KCNMA1: variants seen among roughly 807,000 people sequenced by gnomAD.
KCNMA1 encodes the protein Calcium-activated potassium channel subunit alpha-1.
KCNMA1 carries 29 observed loss-of-function variants against 140.0 expected under a neutral mutation model. The ratio of observed to expected loss-of-function variants is 0.21; its 90% CI spans 0.15 to 0.28. KCNMA1 has a LOEUF of 0.28. KCNMA1 is among the 10% of genes least tolerant of loss of function. KCNMA1 has a pLI of 1.00. For synonymous variants in KCNMA1, 612 were observed against 611.9 expected, an observed-to-expected ratio of 1.00 and a Z score of 0.00; for missense variants, 880 against 1,602.2, an observed-to-expected ratio of 0.55 and a Z score of 7.70.
intron 5 of KCNMA1, among the ~76,000 whole-genome samples, chr10:77,155,899 C>T (rs1011782644): frequency 1.3e-5 from 2 of 152,074 alleles, no homozygotes; most frequent in African/African-American, 4.8e-5. Flanking sequence ...TCTCTTCTTT[C>T]ACAGCAGAAA....
chr10:77,333,370 AAG>A (rs2087350710), intron 2 of KCNMA1, among the ~76,000 whole-genome samples: 1 of 150,222 alleles, frequency 6.7e-6, no homozygotes, highest in Non-Finnish European at 1.5e-5. Context: ...AAAAAGAAAA[AAG>A]AAAGAAAGAG....
intron 1 of KCNMA1, among the ~76,000 whole-genome samples, chr10:77,556,032 C>T (rs2064237641): frequency 6.6e-6 from 1 of 152,146 alleles, no homozygotes. Flanking sequence ...GCATAAGAAT[C>T]GACACAGCTG....
intron 1 of KCNMA1, among the ~76,000 whole-genome samples, chr10:77,422,083 T>C (rs2096878085): frequency 1.3e-5 from 2 of 152,256 alleles, no homozygotes; most frequent in Admixed American, 6.5e-5. Context: ...CTGTTCAACA[T>C]AGACCAATAC....
intron 2 of KCNMA1, among the ~76,000 whole-genome samples, chr10:77,340,730 C>A: frequency 6.6e-6 from 1 of 151,164 alleles, no homozygotes; most frequent in African/African-American, 2.4e-5. Flanking sequence ...GGGGAGGGGG[C>A]AGGGATAGCA....
At chr10:77,019,977 TA>T (rs1208142960) in intron 16 of KCNMA1, 1 of 152,150 alleles carries the variant, frequency 6.6e-6, no homozygotes, top group Non-Finnish European at 1.5e-5. Context: ...CCTAATCTAA[TA>T]AATGGATGAA....
intron 5 of KCNMA1, among the ~76,000 whole-genome samples, chr10:77,141,354 G>C (rs921681920): frequency 6.6e-5 from 10 of 152,182 alleles, no homozygotes; most frequent in Non-Finnish European, 1.5e-5. Context: ...ACCCCAATGT[G>C]ATGGTATTTG....
At chr10:77,495,701 C>A (rs967573692) in intron 1 of KCNMA1, among the ~76,000 whole-genome samples, 1 of 152,200 alleles carries the variant, frequency 6.6e-6, no homozygotes, top group Non-Finnish European at 1.5e-5. Context: ...CACAGACAGG[C>A]ACAGCCTGCC....
At chr10:77,143,301 A>G (rs2154027478) in intron 5 of KCNMA1, among the ~76,000 whole-genome samples, 1 of 152,300 alleles carries the variant, frequency 6.6e-6, no homozygotes, top group East Asian at 1.9e-4. Context: ...AATTCACCAC[A>G]TTGAAAAATT....
chr10:77,518,148 C>T (rs1226337882), intron 1 of KCNMA1, among the ~76,000 whole-genome samples: 1 of 152,204 alleles, frequency 6.6e-6, no homozygotes, highest in African/African-American at 2.4e-5. Context: ...CTTAGAAAGA[C>T]CCTCCCTGGC....
chr10:77,272,484 T>C (rs533438551), intron 2 of KCNMA1, among the ~76,000 whole-genome samples: 1 of 152,332 alleles, frequency 6.6e-6, no homozygotes, highest in African/African-American at 2.4e-5. Context: ...ATGGTATGTC[T>C]TGAATGTACA....
intron 2 of KCNMA1, among the ~76,000 whole-genome samples, chr10:77,358,150 C>T (rs2093655978): frequency 6.6e-6 from 1 of 152,088 alleles, no homozygotes; most frequent in African/African-American, 2.4e-5. Flanking sequence ...GAGAATCCTC[C>T]GTCCCACCCC....
intron 5 of KCNMA1, among the ~76,000 whole-genome samples, chr10:77,139,847 C>T (rs1278181638): frequency 6.6e-6 from 1 of 152,020 alleles, no homozygotes; most frequent in Non-Finnish European, 1.5e-5. Flanking sequence ...GACCACGCTC[C>T]CATGGTCAAA....
At chr10:77,314,705 C>T (rs767354355) in intron 2 of KCNMA1, among the ~76,000 whole-genome samples, 5 of 152,050 alleles carry the variant, frequency 3.3e-5, no homozygotes, top group Non-Finnish European at 7.4e-5. Flanking sequence ...TGAGGTGAAC[C>T]CATGTTAGCT....
intron 19 of KCNMA1, among the ~76,000 whole-genome samples, chr10:76,989,322 A>G (rs183117428): frequency 8.8e-4 from 134 of 152,296 alleles, no homozygotes; most frequent in African/African-American, 3.1e-3. Flanking sequence ...ACTCACAGAC[A>G]GAAGACTAAC....
chr10:77,636,682 C>T (rs2093778129), intron 1 of KCNMA1: 1 of 1,532,360 alleles, frequency 6.5e-7, no homozygotes, highest in South Asian at 1.2e-5. Flanking sequence ...CTTCTCTCGC[C>T]CCTCGAAGTC....
intron 2 of KCNMA1, among the ~76,000 whole-genome samples, chr10:77,353,296 C>G (rs2093109065): frequency 6.6e-6 from 1 of 152,008 alleles, no homozygotes; most frequent in Non-Finnish European, 1.5e-5. Context: ...AGCCACTGGA[C>G]AGAGGAATAG....
chr10:77,247,460 C>T (rs1297736712), intron 3 of KCNMA1, among the ~76,000 whole-genome samples: 1 of 152,142 alleles, frequency 6.6e-6, no homozygotes, highest in East Asian at 1.9e-4. Context: ...GCAATGGTGA[C>T]ATTAGCACCC....
At chr10:77,018,337 T>C (rs1259089680) in intron 17 of KCNMA1, among the ~76,000 whole-genome samples, 1 of 152,210 alleles carries the variant, frequency 6.6e-6, no homozygotes, top group Admixed American at 6.5e-5. Flanking sequence ...TTTCTGCTAG[T>C]AAATTTCTCC....
intron 14 of KCNMA1, among the ~76,000 whole-genome samples, chr10:77,068,012 C>T (rs913413140): frequency 6.6e-6 from 1 of 152,176 alleles, no homozygotes; most frequent in African/African-American, 2.4e-5. Flanking sequence ...TTTCCCTTAT[C>T]GTTTCTCACA....
Sources: gnomAD v4.1 joint callset for allele counts (sites outside exome capture counted in the v4.1 genomes callset) on GRCh38, gnomAD v4.1.1 for gene constraint, MANE v1.5 for transcripts, NCBI Gene and HGNC (gene_info 2026-07-23, HGNC 2026-07-21) for gene names.